FARP1: variants seen among roughly 807,000 people sequenced by gnomAD.
FARP1 encodes the protein FERM, ARH/RhoGEF and pleckstrin domain protein 1.
FARP1 carries 52 observed loss-of-function variants against 128.8 expected under a neutral mutation model. The ratio of observed to expected loss-of-function variants is 0.40; its 90% confidence interval spans 0.32 to 0.51. The LOEUF (loss-of-function observed/expected upper bound fraction) is 0.51. Ranked by LOEUF, FARP1 falls within the 20% of genes least tolerant of loss-of-function variation. The pLI, the probability that FARP1 is intolerant of heterozygous loss-of-function variation, is 0.45. For synonymous variants in FARP1, 580 were observed against 551.8 expected (o/e 1.05, Z -0.72); for missense variants, 1,333 against 1,367.9 (o/e 0.97, Z 0.40).
Position 98,431,094 on chromosome 13 carries a change from A to G in FARP1, c.1957A>G (p.Asn653Asp), listed in dbSNP as rs755755340. The G allele has an allele frequency of 1.2e-5, 20 of 1,613,894 alleles. No individual in the cohort carries two copies. Among genetic ancestry groups the G allele is most frequent in the Non-Finnish European group, 1.6e-5 (19 of 1,179,996 alleles). ...KHSEALEALE[N>D]GIKSSRRLEN... Reference sequence around the variant, plus strand: ...CAGCGAGGCCTTGGAGGCCCTGGAGAATGGAATCAAGAGCTCCCGGCGGCT... The same window carrying G: ...CAGCGAGGCCTTGGAGGCCCTGGAGGATGGAATCAAGAGCTCCCGGCGGCT... Residue 653 changes from asparagine to aspartate, a missense_variant, in exon 18 of 27, where the codon AAT becomes GAT. By Grantham distance (23) the Asn-to-Asp change is conservative. This residue lies in a region of FARP1 where 1,009 missense variants were observed against 969.8 expected (regional missense o/e 1.04). Transcript: ENST00000319562.
chr13:98,368,612 G>A (rs556112030), intron 5 of FARP1, among the ~76,000 whole-genome samples: 41 of 152,218 alleles, frequency 2.7e-4, no homozygotes, highest in Non-Finnish European at 4.6e-4. Flanking sequence ...CGTGGAAGAA[G>A]TGCAGGCATT....
At chr13:98,395,878 A>G (rs1372307437) in intron 13 of FARP1, 5 of 400,248 alleles carry the variant, frequency 1.2e-5, no homozygotes, top group African/African-American at 1.0e-4. Context: ...GTCTCCCAGC[A>G]GCAGCAGTTC....
intron 24 of FARP1, among the ~76,000 whole-genome samples, chr13:98,444,864 A>G (rs1892724532): frequency 6.6e-6 from 1 of 152,202 alleles, no homozygotes; most frequent in Non-Finnish European, 1.5e-5. Context: ...GTGACCCAAG[A>G]TGCCGCATGG....
chr13:98,344,591 A>G (rs1888102994), intron 3 of FARP1, among the ~76,000 whole-genome samples: 1 of 152,126 alleles, frequency 6.6e-6, no homozygotes, highest in Non-Finnish European at 1.5e-5. Flanking sequence ...GGAAATTTGG[A>G]TTCAAGAATC....
At chr13:98,225,063 A>G (rs1881678440) in intron 2 of FARP1, among the ~76,000 whole-genome samples, 1 of 152,218 alleles carries the variant, frequency 6.6e-6, no homozygotes, top group Non-Finnish European at 1.5e-5. Flanking sequence ...GTAGAATTCA[A>G]ATGATGAAGA....
chr13:98,185,166 T>C (rs1341031123), intron 1 of FARP1, among the ~76,000 whole-genome samples: 1 of 152,242 alleles, frequency 6.6e-6, no homozygotes, highest in Non-Finnish European at 1.5e-5. Flanking sequence ...TATTCATTAC[T>C]TCTGTAAAAT....
At chr13:98,202,336 C>T (rs1880005175) in intron 1 of FARP1, among the ~76,000 whole-genome samples, 1 of 152,168 alleles carries the variant, frequency 6.6e-6, no homozygotes, top group Admixed American at 6.5e-5. Context: ...ATTTTTTGCC[C>T]TCACTCAATG....
intron 2 of FARP1, among the ~76,000 whole-genome samples, chr13:98,279,022 A>C (rs1434624803): frequency 7.1e-6 from 1 of 141,782 alleles, no homozygotes; most frequent in African/African-American, 2.9e-5. Context: ...TTTTTAGTAG[A>C]AATGGGGTTT....
intron 2 of FARP1, among the ~76,000 whole-genome samples, chr13:98,250,967 C>G (rs936972813): frequency 2.0e-5 from 3 of 152,156 alleles, no homozygotes; most frequent in African/African-American, 7.2e-5. Flanking sequence ...GATTGTGTGG[C>G]CCCTGGTCTT....
At chr13:98,270,345 A>C (rs570461008) in intron 2 of FARP1, among the ~76,000 whole-genome samples, 40 of 152,248 alleles carry the variant, frequency 2.6e-4, no homozygotes, top group Non-Finnish European at 5.4e-4. Context: ...TATATCCGTC[A>C]AAAGGGTTTT....
intron 1 of FARP1, among the ~76,000 whole-genome samples, chr13:98,208,043 A>G (rs1185730845): frequency 5.9e-5 from 9 of 151,426 alleles, no homozygotes; most frequent in African/African-American, 2.2e-4. Flanking sequence ...ATTCTAGATT[A>G]ACCAGGCTGG....
chr13:98,349,913 C>T (rs1002765968), intron 3 of FARP1, among the ~76,000 whole-genome samples: 2 of 152,078 alleles, frequency 1.3e-5, no homozygotes, highest in Admixed American at 1.3e-4. Context: ...CTGGAGGTTT[C>T]TAGACCCTGC....
At chr13:98,420,085 T>C (rs1353368365) in intron 16 of FARP1, among the ~76,000 whole-genome samples, 1 of 152,086 alleles carries the variant, frequency 6.6e-6, no homozygotes, top group Non-Finnish European at 1.5e-5. Flanking sequence ...TCGTGATGCT[T>C]TAGAGGACAG....
chr13:98,269,774 C>T (rs141981493), intron 2 of FARP1, among the ~76,000 whole-genome samples: 236 of 152,242 alleles, frequency 1.6e-3, no homozygotes, highest in African/African-American at 5.3e-3. Flanking sequence ...GGGGTGTCAG[C>T]GAAGATGTTG....
In FARP1 at chr13:98,176,160, TTCTTATC is replaced by T; in HGVS notation, c.-24+32673_-24+32679del. On this transcript the variant is annotated intron_variant, in intron 1 of 26. Coordinates refer to ENST00000319562, the MANE Select transcript of FARP1 (RefSeq NM_005766.4). This position sits in a 1 kb window ranked among gnomAD's most constrained non-coding sequence, Gnocchi z 6.2. ...CCAGTGTACATACAGACTTGAGTCTTTCTTATCTCTTTTTTCCTAAAAGAACAAAAAA... is the reference window on the plus strand; with the variant it reads ...CCAGTGTACATACAGACTTGAGTCTTTCTTTTTTCCTAAAAGAACAAAAAA... 6.2e-7 allele frequency: 1 copy of T among 1,608,554 alleles called. No homozygotes were observed. The highest frequency in any genetic ancestry group is 1.1e-5 in the South Asian group (1 of 90,688).
intron 2 of FARP1, among the ~76,000 whole-genome samples, chr13:98,214,994 A>G (rs1566751532): frequency 6.6e-6 from 1 of 152,156 alleles, no homozygotes; most frequent in Non-Finnish European, 1.5e-5. Flanking sequence ...TCTAGCACAC[A>G]CATTCTATTA....
chr13:98,443,208 T>TA (rs1342828120), intron 24 of FARP1, among the ~76,000 whole-genome samples: 1 of 152,204 alleles, frequency 6.6e-6, no homozygotes, highest in Non-Finnish European at 1.5e-5. Flanking sequence ...AAGCCTGAAA[T>TA]ATCTGCCGTC....
chr13:98,274,876 A>G (rs1884562420), intron 2 of FARP1, among the ~76,000 whole-genome samples: 1 of 152,184 alleles, frequency 6.6e-6, no homozygotes, highest in Non-Finnish European at 1.5e-5. Flanking sequence ...CATCAGGTAA[A>G]TTTTGTATTC....
chr13:98,393,892 C>G (rs1400669496), intron 12 of FARP1, among the ~76,000 whole-genome samples, 174 bp downstream of exon 12: 2 of 152,172 alleles, frequency 1.3e-5, no homozygotes, highest in African/African-American at 2.4e-5. Context: ...GTGCCATGTG[C>G]CGGCAGCCTG....
Sources: allele counts gnomAD v4.1 joint callset (sites outside exome capture counted in the v4.1 genomes callset), GRCh38; gene constraint gnomAD v4.1.1; regional missense constraint gnomAD v4.1.1; non-coding constraint Gnocchi (gnomAD v3.1); transcripts MANE v1.5; gene names NCBI Gene and HGNC (gene_info 2026-07-23, HGNC 2026-07-21).